Variants in IMPDH1 observed in about 807,000 individuals in gnomAD.
IMPDH1 encodes inosine-5'-monophosphate dehydrogenase 1.
IMPDH1 carries 41 observed loss-of-function variants against 73.5 expected under a neutral mutation model. The ratio of observed to expected loss-of-function variants is 0.56; its 90% CI spans 0.43 to 0.72. IMPDH1 has a LOEUF of 0.72. Among genes scored for constraint, IMPDH1 ranks in the 30% least tolerant of loss-of-function variants. The probability of loss-of-function intolerance (pLI) is 0.00; values close to 1 mark genes in which losing one functional copy is unlikely to be tolerated. For missense variants in IMPDH1, 645 were observed against 824.8 expected, an observed-to-expected ratio of 0.78 and a Z score of 2.67; for synonymous variants, 318 against 334.3, an observed-to-expected ratio of 0.95 and a Z score of 0.53.
intron 3 of IMPDH1, 81 bp from the exon 4 acceptor site, chr7:128,405,946 G>A (rs1240576978): frequency 1.6e-6 from 2 of 1,286,896 alleles, no homozygotes; most frequent in East Asian, 4.4e-5. Flanking sequence ...TGCTACTGCT[G>A]ACGCCGCGCC....
chr7:128,393,967 C>T (rs1797720209), intron 16 of IMPDH1, among the ~76,000 whole-genome samples: 1 of 152,138 alleles, frequency 6.6e-6, no homozygotes, highest in Non-Finnish European at 1.5e-5. Context: ...CACCACAGCC[C>T]CTGCCACCAG....
At chr7:128,403,874 GC>G (rs1798518623) in intron 4 of IMPDH1, 120 bp from the exon 5 acceptor site, 23 of 851,034 alleles carry the variant, frequency 2.7e-5, no homozygotes, top group Non-Finnish European at 4.4e-5. Context: ...AGAGGCTACA[GC>G]CCCCCATCCC....
chr7:128,393,384 C>T (rs934796230), intron 16 of IMPDH1, among the ~76,000 whole-genome samples: 4 of 152,230 alleles, frequency 2.6e-5, no homozygotes, highest in African/African-American at 9.6e-5. Context: ...TGCCCATGTC[C>T]GCACCCAGCC....
chr7:128,406,249 A>G (rs1456100487), intron 3 of IMPDH1, among the ~76,000 whole-genome samples: 3 of 141,378 alleles, frequency 2.1e-5, no homozygotes, highest in Non-Finnish European at 4.7e-5. Context: ...CCGCCGCTCT[A>G]CATCCAGCCA....
chr7:128,395,003 G>A lies in IMPDH1; in HGVS notation c.1436C>T (p.Thr479Met), dbSNP rs201001000. ...VMMGSLLAAT[T>M]EAPGEYFFSD... The stretch of plus-strand genomic sequence containing the variant: ...GAAGAAGTACTCGCCAGGGGCCTCC[G>A]TAGTGGCGGCCAGCAGGGAGCCCAT... The change falls in exon 14 of 17, where the codon ACG becomes ATG. Residue 479 changes from threonine to methionine, a missense_variant. Around this residue, in one of 2 missense-constraint regions of IMPDH1, gnomAD observed 459 missense variants for 638.2 expected, o/e 0.72. Coordinates refer to ENST00000338791, the MANE Select transcript of IMPDH1 (RefSeq NM_000883.4). 6.0e-5 allele frequency: 97 copies of A among 1,614,050 alleles called. No individual in the cohort carries two copies. The East Asian group carries it at 8.5e-4, about 14-fold the overall frequency.
At chr7:128,409,663 C>G in intron 1 of IMPDH1, 93 bp downstream of exon 1, 1 of 1,510,628 alleles carries the variant, frequency 6.6e-7, no homozygotes, top group Non-Finnish European at 8.9e-7. Flanking sequence ...GGGCCTGCCC[C>G]TCCCCCGCAG....
chr7:128,392,850 C>T lies in IMPDH1; in HGVS notation c.*157G>A. The T allele has an allele frequency of 2.8e-6, 2 of 703,834 alleles. No homozygotes were observed. Among genetic ancestry groups the T allele is most frequent in the South Asian group, 1.7e-5 (1 of 59,366 alleles). 43.6% of individuals were successfully genotyped at this position (703,834 alleles called of 1,614,324 possible). ...TCTGCAGGGGATGCCGAGTGAGGGG[C>T]AGCAGTCCCCTCAGGACCTCCCCTC... On this transcript the variant is annotated 3_prime_UTR_variant, in exon 17 of 17. Coordinates refer to ENST00000338791, the MANE Select transcript of IMPDH1 (RefSeq NM_000883.4).
At chr7:128,405,908 C>T (rs1798704011) in intron 3 of IMPDH1, 43 bp from the exon 4 acceptor site, 2 of 1,457,200 alleles carry the variant, frequency 1.4e-6, no homozygotes, top group South Asian at 1.3e-5. Context: ...CCCGCGCGGC[C>T]GCCCGCCGCT....
At chr7:128,404,212 G>A (rs748103318) in intron 4 of IMPDH1, among the ~76,000 whole-genome samples, 3 of 152,176 alleles carry the variant, frequency 2.0e-5, no homozygotes, top group Non-Finnish European at 2.9e-5. Flanking sequence ...AGGACAGTCC[G>A]CATGCCCCGG....
In IMPDH1 at chr7:128,407,634, C is replaced by T. The variant is rs540977205; in HGVS notation, c.254+1655G>A. Among the ~76,000 whole-genome samples the T allele has an allele frequency of 7.2e-5, 11 of 152,300 alleles. No homozygotes were observed. The South Asian group carries it at 2.3e-3, about 32-fold the overall frequency. On this transcript the variant is annotated intron_variant, in intron 3 of 16. Transcript: ENST00000338791. ...TATCATGCCAACTGCAGGCACAGAG[C>T]AGAGATTGGCACACAGCAGAGACCA... is the stretch of plus-strand genomic sequence containing the variant.
rs140332778 is a variant in IMPDH1, at chr7:128,409,621, A to G, written c.146+135T>C. The G allele has an allele frequency of 2.9e-4, 436 of 1,516,944 alleles. 1 individual carries two copies. In the African/African-American group the frequency reaches 5.3e-3, roughly 18 times the overall value. The allele number at this position is 1,516,944 out of a possible 1,614,324, so 94.0% of individuals were successfully genotyped here. ...GGAGCGTGGCGTTTCGGGAAGTTAGAGGCTGAGGCGGTAATAGGGGAAGGG... is the reference window on the plus strand; with the variant it reads ...GGAGCGTGGCGTTTCGGGAAGTTAGGGGCTGAGGCGGTAATAGGGGAAGGG... On this transcript the variant is annotated intron_variant, in intron 1 of 16. Transcript: ENST00000338791.
chr7:128,405,874 A>T lies in IMPDH1; in HGVS notation c.255-9T>A, dbSNP rs772749662. 63 of 1,519,714 alleles carry T rather than the reference A, an allele frequency of 4.1e-5. No homozygotes were observed. Among genetic ancestry groups the T allele is most frequent in the Non-Finnish European group, 5.4e-5 (61 of 1,135,476 alleles). The allele number at this position is 1,519,714 out of a possible 1,614,324, so 94.1% of individuals were successfully genotyped here. A position where few individuals can be genotyped will look rare whatever the true frequency, so the allele number is the denominator to read the frequency against. On this transcript the variant is annotated splice_polypyrimidine_tract_variant and intron_variant, in intron 3 of 16. Transcript: ENST00000338791. ...TCAGGTAGTCCGCCATGCTGCCGCG[A>T]GACCCCGCGACCCGACATAAACACC...
chr7:128,409,606 G>C, intron 1 of IMPDH1, 122 bp from the exon 2 acceptor site: 5 of 1,516,104 alleles, frequency 3.3e-6, no homozygotes, highest in Non-Finnish European at 4.6e-6. Context: ...GGAGCGTGGC[G>C]TTTCGGGAAG....
Position 128,409,451 on chromosome 7 carries a change from TGTC to T in IMPDH1, c.177_179del (p.Thr60del). Reference sequence around the variant, plus strand: ...AGGAGTTGGAGCCACCTGAACGGGGTGTCGTCGGGTGTGTAGCGAGGTCCAATC... The same window carrying T: ...AGGAGTTGGAGCCACCTGAACGGGGTGTCGGGTGTGTAGCGAGGTCCAATC... On this transcript the variant is annotated inframe_deletion, in exon 2 of 17. Transcript: ENST00000338791. 3 of 1,614,130 alleles carry T rather than the reference TGTC, an allele frequency of 1.9e-6. No homozygotes were observed. The highest frequency in any genetic ancestry group is 4.5e-5 in the East Asian group (2 of 44,878).
chr7:128,394,957 C>A lies in IMPDH1; in HGVS notation c.1482G>T (p.Lys494Asn). 1 of 1,613,900 alleles carries A rather than the reference C, an allele frequency of 6.2e-7. No homozygotes were observed. ...CCAGTGAGCCCATGCCCCGGTACTT[C>A]TTGAGCCGCACCCCGTCTGAGAAGA... ...EYFFSDGVRL[K>N]KYRGMGSLDA... Residue 494 changes from lysine to asparagine, a missense_variant, in exon 14 of 17, where the codon AAG (lysine) becomes AAT (asparagine). Transcript: ENST00000338791. This position sits in a 1 kb window ranked among gnomAD's most constrained non-coding sequence, Gnocchi z 5.5.
chr7:128,402,696 G>A (rs3793168), intron 5 of IMPDH1, among the ~76,000 whole-genome samples: 1 of 112,628 alleles, frequency 8.9e-6, no homozygotes, highest in Admixed American at 8.3e-5. Flanking sequence ...AATAATAATA[G>A]CAACAGAAAA....
chr7:128,394,549 T>C lies in IMPDH1; in HGVS notation c.1601A>G (p.Asp534Gly). 6.2e-7 allele frequency: 1 copy of C among 1,613,916 alleles called. No individual in the cohort carries two copies. The highest frequency in any genetic ancestry group is 8.5e-7 in the Non-Finnish European group (1 of 1,179,962). Reference sequence around the variant, plus strand: ...CACGAACTTCTGAATGGATCCTTTGTCCTGGATGGAGCCCGAGACACCCTG... The same window carrying C: ...CACGAACTTCTGAATGGATCCTTTGCCCTGGATGGAGCCCGAGACACCCTG... ...IAQGVSGSIQDKGSIQKFVPY... is the reference protein window; with the variant it reads ...IAQGVSGSIQGKGSIQKFVPY... Residue 534 changes from aspartate (D) to glycine (G), a missense_variant, in exon 15 of 17, where the codon GAC becomes GGC. This residue lies in a region of IMPDH1 where 459 missense variants were observed against 638.2 expected (regional missense o/e 0.72). Coordinates refer to ENST00000338791, the MANE Select transcript of IMPDH1 (RefSeq NM_000883.4). The surrounding 1 kb of genome is among the most constrained non-coding windows in gnomAD (Gnocchi z 5.5).
chr7:128,404,336 G>A (rs1798554084), intron 4 of IMPDH1, among the ~76,000 whole-genome samples: 1 of 152,170 alleles, frequency 6.6e-6, no homozygotes, highest in African/African-American at 2.4e-5. Context: ...CGGGAAAGGG[G>A]AGGAAAGAGG....
rs1010290325 is a variant in IMPDH1, at chr7:128,396,834, C to A, written c.1165+98G>T. 1.5e-5 allele frequency: 17 copies of A among 1,164,256 alleles called. No homozygotes were observed. The highest frequency in any genetic ancestry group is 2.2e-5 in the Non-Finnish European group (17 of 783,994). The allele number at this position is 1,164,256 out of a possible 1,614,324, so 72.1% of individuals were successfully genotyped here. On this transcript the variant is annotated intron_variant, in intron 11 of 16. Transcript: ENST00000338791. The surrounding 1 kb of genome is among the most constrained non-coding windows in gnomAD (Gnocchi z 4.0). ...CCCATCATGCTCCCTGCCACCCATGCCAGGAGCCATACCATCACCTAGGGA... is the reference window on the plus strand; with the variant it reads ...CCCATCATGCTCCCTGCCACCCATGACAGGAGCCATACCATCACCTAGGGA...
Sources: allele counts gnomAD v4.1 joint callset (sites outside exome capture counted in the v4.1 genomes callset), GRCh38; gene constraint gnomAD v4.1.1; regional missense constraint gnomAD v4.1.1; non-coding constraint Gnocchi (gnomAD v3.1); transcripts MANE v1.5; gene names NCBI Gene and HGNC (gene_info 2026-07-23, HGNC 2026-07-21).